Variants in CCNB2 observed in about 807,000 individuals in gnomAD.
CCNB2 encodes the protein G2/mitotic-specific cyclin-B2.
In CCNB2, 39 loss-of-function variants were observed where a neutral mutation model predicts 51.1. The observed-to-expected ratio is 0.76, with a 90% CI of 0.59 to 1.00. The LOEUF (loss-of-function observed/expected upper bound fraction) is 1.00. Among genes scored for constraint, CCNB2 ranks in the 50% least tolerant of loss-of-function variants. The pLI is 0.00. For synonymous variants in CCNB2, 174 were observed against 165.5 expected (o/e 1.05, Z -0.40); for missense variants, 472 against 470.3 (o/e 1.00, Z -0.03).
At chr15:59,108,893 GC>G (rs796607225) in intron 3 of CCNB2, among the ~76,000 whole-genome samples, 3 of 152,292 alleles carry the variant, frequency 2.0e-5, no homozygotes, top group East Asian at 3.9e-4. Context: ...CATTTAAAAA[GC>G]CTTCCCTAGA....
intron 7 of CCNB2, 95 bp from the exon 8 acceptor site, chr15:59,123,422 G>T (rs1250312496): frequency 1.4e-6 from 1 of 705,958 alleles, no homozygotes; most frequent in Non-Finnish European, 2.5e-6. Context: ...TTTTACATAA[G>T]TAATGTCATC....
rs1163715985 is a variant in CCNB2, at chr15:59,105,248, C to A, written c.-21C>A. ...CGTCCCTCCCTGGGCCGGGCTGGCA[C>A]TCTTGCCTTCCCCGTCCCTCATGGC... On this transcript the variant is annotated 5_prime_UTR_variant, in exon 1 of 9. Transcript: ENST00000288207. 6.4e-7 allele frequency: 1 copy of A among 1,562,150 alleles called. No individual in the cohort carries two copies. The highest frequency in any genetic ancestry group is 8.7e-7 in the Non-Finnish European group (1 of 1,155,388).
At chr15:59,110,067 G>A (rs2079251934) in intron 3 of CCNB2, among the ~76,000 whole-genome samples, 1 of 150,868 alleles carries the variant, frequency 6.6e-6, no homozygotes, top group South Asian at 2.1e-4. Context: ...TCAAGTTAGA[G>A]AAGAAGAAAA....
intron 3 of CCNB2, among the ~76,000 whole-genome samples, chr15:59,111,861 T>C (rs914453383): frequency 4.7e-5 from 7 of 149,848 alleles, no homozygotes; most frequent in African/African-American, 1.7e-4. Flanking sequence ...TCTTTCTTTT[T>C]TTTTTTTTTT....
chr15:59,122,407 T>C (rs1410656226), intron 7 of CCNB2, among the ~76,000 whole-genome samples: 1 of 151,878 alleles, frequency 6.6e-6, no homozygotes, highest in African/African-American at 2.4e-5. Flanking sequence ...GTATTTTTAG[T>C]AGAGATGGGG....
intron 6 of CCNB2, 119 bp downstream of exon 6, chr15:59,117,045 T>G: frequency 1.0e-6 from 1 of 994,644 alleles, no homozygotes; most frequent in Non-Finnish European, 1.5e-6. Flanking sequence ...TCTTAATGCT[T>G]TCCTCATCAG....
intron 8 of CCNB2, chr15:59,124,481 C>T (rs2079316804): frequency 4.9e-6 from 2 of 409,370 alleles, no homozygotes; most frequent in East Asian, 1.1e-4. Context: ...ACACAGCTCC[C>T]CCTCCCATCC....
At chr15:59,105,600 C>T (rs564336858) in intron 1 of CCNB2, among the ~76,000 whole-genome samples, 40 of 152,324 alleles carry the variant, frequency 2.6e-4, no homozygotes, top group African/African-American at 9.4e-4. Context: ...AGCGAGCGAT[C>T]CCCGAGTGCT....
At chr15:59,120,067 A>G (rs532415947) in intron 7 of CCNB2, among the ~76,000 whole-genome samples, 236 of 152,314 alleles carry the variant, frequency 1.5e-3, no homozygotes, top group African/African-American at 5.3e-3. Context: ...GGAAATAGCA[A>G]AACAAAAACA....
rs2306785 is a variant in CCNB2, at chr15:59,114,579, G to A, written c.403G>A (p.Val135Ile). The A allele has an allele frequency of 1.6e-4, 253 of 1,607,094 alleles. No homozygotes were observed. The East Asian group carries it at 4.8e-3, about 31-fold the overall frequency. ...WENPQLCSDY[V>I]KDIYQYLRQL... Reference sequence around the variant, plus strand: ...GAACCCTCAGCTCTGCAGTGACTACGTTAAGGATATCTATCAGTATCTCAG... The same window carrying A: ...GAACCCTCAGCTCTGCAGTGACTACATTAAGGATATCTATCAGTATCTCAG... The change falls in exon 4 of 9, where the codon GTT (valine) becomes ATT (isoleucine). Residue 135 changes from valine to isoleucine, a missense_variant. By Grantham distance (29) the Val-to-Ile change is conservative. Transcript: ENST00000288207.
intron 7 of CCNB2, among the ~76,000 whole-genome samples, chr15:59,119,978 G>T (rs2140290386): frequency 6.6e-6 from 1 of 152,196 alleles, no homozygotes; most frequent in Non-Finnish European, 1.5e-5. Flanking sequence ...AAAGTGCTGG[G>T]ATTACAGACG....
chr15:59,114,958 T>C, intron 5 of CCNB2, 82 bp downstream of exon 5: 1 of 1,390,994 alleles, frequency 7.2e-7, no homozygotes, highest in Non-Finnish European at 9.7e-7. Flanking sequence ...CTAAAGTGGG[T>C]ACTTCTGAAA....
In CCNB2 at chr15:59,124,808, C is replaced by T. The variant is rs750459393; in HGVS notation, c.1128C>T (p.Ile376=). The change falls in exon 9 of 9, where the codon ATC becomes ATT. Residue 376 remains isoleucine (I), a synonymous_variant. Transcript: ENST00000288207. ...NKYASSKLLK[I]SMIPQLNSKA... ...ATGCAAGCAGCAAACTCCTGAAGATCAGCATGATCCCTCAGCTGAACTCAA... is the reference window on the plus strand; with the variant it reads ...ATGCAAGCAGCAAACTCCTGAAGATTAGCATGATCCCTCAGCTGAACTCAA... 1.9e-6 allele frequency: 3 copies of T among 1,613,214 alleles called. No individual in the cohort carries two copies. The highest frequency in any genetic ancestry group is 2.7e-5 in the African/African-American group (2 of 74,854).
intron 7 of CCNB2, among the ~76,000 whole-genome samples, chr15:59,117,759 G>A (rs1318241492): frequency 6.6e-6 from 1 of 152,184 alleles, no homozygotes; most frequent in Non-Finnish European, 1.5e-5. Flanking sequence ...GTGAGCCACA[G>A]TGCCTGGCCT....
intron 3 of CCNB2, among the ~76,000 whole-genome samples, chr15:59,111,492 C>T (rs1406390578): frequency 2.7e-4 from 41 of 152,202 alleles, no homozygotes; most frequent in Admixed American, 2.7e-3. Flanking sequence ...AATGCTTATC[C>T]TTGAAAAAGT....
chr15:59,122,146 T>G (rs2079304812), intron 7 of CCNB2, among the ~76,000 whole-genome samples: 1 of 151,634 alleles, frequency 6.6e-6, no homozygotes, highest in African/African-American at 2.4e-5. Context: ...TAAATTGTGG[T>G]TTATTTTGCC....
chr15:59,116,454 G>T (rs566294159), intron 5 of CCNB2, among the ~76,000 whole-genome samples: 1 of 149,858 alleles, frequency 6.7e-6, no homozygotes, highest in East Asian at 2.0e-4. Flanking sequence ...GCCTTTCCTA[G>T]AATTTTTATG....
At chr15:59,115,710 G>A (rs1279942905) in intron 5 of CCNB2, 1 of 152,094 alleles carries the variant, frequency 6.6e-6, no homozygotes, top group Non-Finnish European at 1.5e-5. Flanking sequence ...AAGCACAACA[G>A]TATTTTAGGT....
chr15:59,107,371 A>G lies in CCNB2; in HGVS notation c.74A>G (p.Lys25Arg). The change falls in exon 2 of 9, where the codon AAG becomes AGG. Residue 25 changes from lysine to arginine, a missense_variant. By Grantham distance (26) the Lys-to-Arg change is conservative (BLOSUM62 2). Transcript: ENST00000288207. ...GACACAGGAGTTAATTCTAAAGTTA[A>G]GAGTCATGTGACTATTAGGCGAACT... Reference protein sequence around the residue: ...NIDTGVNSKVKSHVTIRRTVL... With the variant: ...NIDTGVNSKVRSHVTIRRTVL... 1 of 1,613,512 alleles carries G rather than the reference A, an allele frequency of 6.2e-7. No homozygotes were observed. Among genetic ancestry groups the G allele is most frequent in the South Asian group, 1.1e-5 (1 of 91,044 alleles).
Sources: gnomAD v4.1 joint callset for allele counts (sites outside exome capture counted in the v4.1 genomes callset) on GRCh38, gnomAD v4.1.1 for gene constraint, MANE v1.5 for transcripts, NCBI Gene and HGNC (gene_info 2026-07-23, HGNC 2026-07-21) for gene names.